NHSL1: variants seen among roughly 807,000 people sequenced by gnomAD.
The protein encoded by NHSL1 is NHS like 1.
A neutral mutation model predicts 95.0 loss-of-function variants in NHSL1; 48 were observed. That is an observed-to-expected ratio of 0.51 (90% CI 0.40 to 0.64). The LOEUF (loss-of-function observed/expected upper bound fraction) is 0.64, where lower values mean the gene tolerates loss of function less well. Ranked by LOEUF, NHSL1 falls within the 30% of genes least tolerant of loss-of-function variation. The probability of loss-of-function intolerance (pLI) is 0.00; values close to 1 mark genes in which losing one functional copy is unlikely to be tolerated. For synonymous variants in NHSL1, 783 were observed against 833.9 expected, an observed-to-expected ratio of 0.94 and a Z score of 1.05; for missense variants, 1,971 against 2,077.7, an observed-to-expected ratio of 0.95 and a Z score of 1.00.
chr6:138,650,387 G>T, intron 1 of NHSL1: 1 of 1,408,734 alleles, frequency 7.1e-7, no homozygotes, highest in Non-Finnish European at 9.9e-7. Context: ...TCACAGCCAT[G>T]AGGTCGCCGA....
At chr6:138,577,516 A>T (rs1302230727), upstream of NHSL1, among the ~76,000 whole-genome samples, 1 of 152,234 alleles carries the variant, frequency 6.6e-6, no homozygotes, top group Admixed American at 6.5e-5. Flanking sequence ...GTGCATAAAC[A>T]GAAGGCATGT....
Position 138,447,018 on chromosome 6 carries a change from A to G in NHSL1, c.515T>C (p.Val172Ala), listed in dbSNP as rs1379052364. The G allele has an allele frequency of 6.4e-7, 1 of 1,551,652 alleles. No individual in the cohort carries two copies. Among genetic ancestry groups the G allele is most frequent in the South Asian group, 1.2e-5 (1 of 84,054 alleles). The change falls in exon 4 of 8, where the codon GTG becomes GCG. Residue 172 changes from valine (V) to alanine (A), a missense_variant. This residue lies in a region of NHSL1 where 1,602 missense variants were observed against 1,654.5 expected (regional missense o/e 0.97). Transcript: ENST00000343505. ...AAGCGTACCAGTTATGTTAATAGGC[A>G]CCACGTCAGCCTGGACTGTTTGGGC... ...QQAQTVQADV[V>A]PINITGENFD... is the part of the protein sequence containing the mutation.
At chr6:138,604,298 A>C (rs552294774) in intron 1 of NHSL1, among the ~76,000 whole-genome samples, 1 of 152,356 alleles carries the variant, frequency 6.6e-6, no homozygotes, top group African/African-American at 2.4e-5. Flanking sequence ...AGAATGCCAG[A>C]GGCTTCCCTG....
At chr6:138,625,641 T>TTA (rs1306235981) in intron 1 of NHSL1, among the ~76,000 whole-genome samples, 1 of 138,784 alleles carries the variant, frequency 7.2e-6, no homozygotes, top group Non-Finnish European at 1.6e-5. Flanking sequence ...CTTTTTTAAT[T>TTA]AAAAAAAAAA....
In NHSL1 at chr6:138,433,425, G is replaced by T. The variant is rs764726624; in HGVS notation, c.920C>A (p.Ser307Tyr). Residue 307 changes from serine to tyrosine, a missense_variant, in exon 6 of 8, where the codon TCT becomes TAT. Physicochemically the swap from Ser to Tyr is moderately radical, Grantham distance 144 (BLOSUM62 -2). Around this residue, in one of 3 missense-constraint regions of NHSL1, gnomAD observed 1,602 missense variants for 1,654.5 expected, o/e 0.97. Coordinates refer to ENST00000343505, the MANE Select transcript of NHSL1 (RefSeq NM_001144060.2). ...GCGGGAAGGGAATACGATCCCTGCAGAATCGCTCAGCACAGACATGTTGCC... is the reference window on the plus strand; with the variant it reads ...GCGGGAAGGGAATACGATCCCTGCATAATCGCTCAGCACAGACATGTTGCC... ...SSGNMSVLSD[S>Y]AGIVFPSRLD... 1.5e-5 allele frequency: 24 copies of T among 1,552,340 alleles called. No homozygotes were observed. The highest frequency in any genetic ancestry group is 2.0e-5 in the Non-Finnish European group (23 of 1,147,136).
rs113785202 is a variant in NHSL1, at chr6:138,533,696, T to C, written c.16+11927A>G. Among the ~76,000 whole-genome samples the C allele has an allele frequency of 4.8e-3, 724 of 152,350 alleles. 6 individuals are homozygous for C. The highest frequency in any genetic ancestry group is 0.017 in the African/African-American group (697 of 41,574). On this transcript the variant is annotated intron_variant, in intron 1 of 4. Coordinates refer to the NHSL1 transcript ENST00000342260. ...TGCATTGGAGTGTTTTTCTAAAACA[T>C]TGAAAACCCAAGAGCCAGGAAAGTG...
At chr6:138,488,250 C>T (rs914955756) in intron 2 of NHSL1, among the ~76,000 whole-genome samples, 5 of 151,872 alleles carry the variant, frequency 3.3e-5, no homozygotes, top group Non-Finnish European at 7.4e-5. Flanking sequence ...TGCACTCCAG[C>T]CTGGGCACCA....
chr6:138,642,852 C>T (rs377496451), intron 1 of NHSL1, among the ~76,000 whole-genome samples: 2 of 152,076 alleles, frequency 1.3e-5, no homozygotes, highest in African/African-American at 2.4e-5. Flanking sequence ...GAAAATCATA[C>T]AAAGGAAGCT....
At chr6:138,577,923 TCTTC>T (rs1783995881) in intron 1 of NHSL1, among the ~76,000 whole-genome samples, 1 of 152,170 alleles carries the variant, frequency 6.6e-6, no homozygotes. Flanking sequence ...ATTAAATCCT[TCTTC>T]CTTTATCCAC....
At chr6:138,555,212 C>CTCTCTT (rs1562367865) in intron 1 of NHSL1, among the ~76,000 whole-genome samples, 1 of 152,136 alleles carries the variant, frequency 6.6e-6, no homozygotes, top group Admixed American at 6.5e-5. Context: ...TGTTTTACCT[C>CTCTCTT]TCTCTTTCTC....
intron 1 of NHSL1, among the ~76,000 whole-genome samples, chr6:138,521,401 G>C (rs1398221121): frequency 6.6e-6 from 1 of 152,194 alleles, no homozygotes; most frequent in Non-Finnish European, 1.5e-5. Flanking sequence ...AGAAGGTTGA[G>C]GCTGCAGTGA....
intron 3 of NHSL1, chr6:138,464,194 C>A (rs567080002): frequency 1.4e-6 from 1 of 717,924 alleles, no homozygotes; most frequent in East Asian, 3.0e-5. Context: ...CCAGGGGCAG[C>A]CTGACAGAGG....
intron 2 of NHSL1, among the ~76,000 whole-genome samples, chr6:138,485,370 CCG>C (rs1779660532): frequency 1.3e-5 from 2 of 151,234 alleles, no homozygotes; most frequent in Non-Finnish European, 2.9e-5. Context: ...TTTAAACAAT[CCG>C]CAGTGCTTTG....
intron 2 of NHSL1, among the ~76,000 whole-genome samples, chr6:138,481,153 G>A (rs956628355): frequency 6.6e-6 from 1 of 152,102 alleles, no homozygotes; most frequent in Admixed American, 6.6e-5. Flanking sequence ...ATGAAGTATT[G>A]TATAGCTAAA....
Position 138,431,499 on chromosome 6 carries a change from A to C in NHSL1, c.2846T>G (p.Phe949Cys), listed in dbSNP as rs1775662530. The C allele has an allele frequency of 6.4e-7, 1 of 1,550,990 alleles. No individual in the cohort carries two copies. Among genetic ancestry groups the C allele is most frequent in the African/African-American group, 1.4e-5 (1 of 73,058 alleles). The part of the protein sequence containing the change: ...PFPCPADRSP[F>C]LPPPPPVTDC... ...TGTGACAGGAGGTGGGGGAGGAAGG[A>C]AAGGAGACCTGTCTGCAGGACAAGG... Residue 949 changes from phenylalanine to cysteine, a missense_variant, in exon 6 of 8, where the codon TTC (phenylalanine) becomes TGC (cysteine). Around this residue, in one of 3 missense-constraint regions of NHSL1, gnomAD observed 1,602 missense variants for 1,654.5 expected, o/e 0.97. Transcript: ENST00000343505. The surrounding 1 kb of genome is among the most constrained non-coding windows in gnomAD (Gnocchi z 4.0).
At chr6:138,646,041 T>C (rs1303100111) in intron 1 of NHSL1, among the ~76,000 whole-genome samples, 1 of 152,230 alleles carries the variant, frequency 6.6e-6, no homozygotes, top group Non-Finnish European at 1.5e-5. Flanking sequence ...TACAAGCAGT[T>C]ACCATAGAAT....
At chr6:138,593,336 C>T (rs146550998) in intron 1 of NHSL1, among the ~76,000 whole-genome samples, 2 of 152,212 alleles carry the variant, frequency 1.3e-5, no homozygotes, top group Admixed American at 1.3e-4. Context: ...CGTGATTCCC[C>T]GTTCATAGTC....
intron 1 of NHSL1, among the ~76,000 whole-genome samples, chr6:138,544,784 C>A (rs1357790558): frequency 1.3e-5 from 2 of 152,244 alleles, no homozygotes; most frequent in East Asian, 3.9e-4. Context: ...AACACACTCT[C>A]ACATGCCTAC....
At chr6:138,480,323 A>C (rs1452676370) in intron 2 of NHSL1, among the ~76,000 whole-genome samples, 1 of 152,156 alleles carries the variant, frequency 6.6e-6, no homozygotes, top group Non-Finnish European at 1.5e-5. Context: ...TGAGTATTGT[A>C]TTTTCCATTC....
Sources: allele counts gnomAD v4.1 joint callset (sites outside exome capture counted in the v4.1 genomes callset), GRCh38; gene constraint gnomAD v4.1.1; regional missense constraint gnomAD v4.1.1; non-coding constraint Gnocchi (gnomAD v3.1); transcripts MANE v1.5; gene names NCBI Gene and HGNC (gene_info 2026-07-23, HGNC 2026-07-21).